LTBP1: variants seen among roughly 807,000 people sequenced by gnomAD.
The protein encoded by LTBP1 is latent-transforming growth factor beta-binding protein 1.
LTBP1 carries 129 observed loss-of-function variants against 207.6 expected under a neutral mutation model. That is an observed-to-expected ratio of 0.62 (90% CI 0.54 to 0.72). The LOEUF is 0.72. LTBP1 is among the 30% of genes least tolerant of loss of function. The pLI is 0.00. For missense variants in LTBP1, 2,281 were observed against 2,217.2 expected (o/e 1.03, Z -0.58); for synonymous variants, 963 against 833.7 (o/e 1.16, Z -2.67).
At chr2:33,010,506 C>A (rs901764226) in intron 2 of LTBP1, among the ~76,000 whole-genome samples, 1 of 151,986 alleles carries the variant, frequency 6.6e-6, no homozygotes, top group African/African-American at 2.4e-5. Context: ...TTCAAAATAG[C>A]TAGGAGAGAG....
At chr2:33,088,165 G>T (rs2078864947) in intron 3 of LTBP1, among the ~76,000 whole-genome samples, 1 of 152,166 alleles carries the variant, frequency 6.6e-6, no homozygotes, top group Non-Finnish European at 1.5e-5. Flanking sequence ...GTTAAATATG[G>T]ACAGTGAGCC....
At chr2:33,340,459 G>C (rs1200350137) in intron 24 of LTBP1, among the ~76,000 whole-genome samples, 1 of 152,136 alleles carries the variant, frequency 6.6e-6, no homozygotes, top group Non-Finnish European at 1.5e-5. Context: ...AAAGGGCAAG[G>C]ACAAGCTCAA....
intron 3 of LTBP1, among the ~76,000 whole-genome samples, chr2:33,104,597 T>G (rs1034948104): frequency 1.3e-5 from 2 of 152,210 alleles, no homozygotes; most frequent in African/African-American, 4.8e-5. Flanking sequence ...TCGATCCTTG[T>G]TTTTCTCCTC....
Position 33,044,127 on chromosome 2 carries a change from A to AT in LTBP1, c.863+22932dup, listed in dbSNP as rs113067278. Among the ~76,000 whole-genome samples, 645 of 148,854 alleles carry AT rather than the reference A, an allele frequency of 4.3e-3. 6 individuals are homozygous for AT. The highest frequency in any genetic ancestry group is 0.014 in the African/African-American group (572 of 40,582). ...AAATAGAGTTGTTAAAGGAAAAAGTATTTTTTTTTTTAATTATACTTTAAG... is the reference window on the plus strand; with the variant it reads ...AAATAGAGTTGTTAAAGGAAAAAGTATTTTTTTTTTTTAATTATACTTTAAG... On this transcript the variant is annotated intron_variant, in intron 3 of 33. Coordinates refer to ENST00000404816, the MANE Select transcript of LTBP1 (RefSeq NM_206943.4).
chr2:33,072,424 CCT>C (rs2077837483), intron 3 of LTBP1, among the ~76,000 whole-genome samples: 1 of 152,276 alleles, frequency 6.6e-6, no homozygotes, highest in South Asian at 2.1e-4. Context: ...AGATTCTCAG[CCT>C]CTCTGTGCAG....
intron 3 of LTBP1, among the ~76,000 whole-genome samples, chr2:33,046,311 T>C (rs1281721315): frequency 6.6e-6 from 1 of 152,072 alleles, no homozygotes; most frequent in East Asian, 1.9e-4. Flanking sequence ...TTATTGAGAG[T>C]TTTTAGCATG....
chr2:33,159,926 G>A (rs1176702331), intron 5 of LTBP1, among the ~76,000 whole-genome samples: 3 of 152,080 alleles, frequency 2.0e-5, no homozygotes, highest in Non-Finnish European at 4.4e-5. Flanking sequence ...CTGTTGCCCA[G>A]GCTGGAGTGC....
At chr2:32,983,552 G>C (rs1442140065) in intron 2 of LTBP1, among the ~76,000 whole-genome samples, 1 of 152,180 alleles carries the variant, frequency 6.6e-6, no homozygotes, top group African/African-American at 2.4e-5. Context: ...CCCCACCCAA[G>C]TCGTATCTTG....
At chr2:33,259,644 T>A (rs2092957433) in intron 13 of LTBP1, 34 bp downstream of exon 13, 3 of 1,589,324 alleles carry the variant, frequency 1.9e-6, no homozygotes. Flanking sequence ...TCTTTTTTTT[T>A]CAACGCTCAA....
chr2:33,310,914 TA>T (rs1215128517), intron 23 of LTBP1, among the ~76,000 whole-genome samples: 2 of 152,222 alleles, frequency 1.3e-5, no homozygotes, highest in African/African-American at 4.8e-5. Context: ...CAATAAATGT[TA>T]TTTTTTTCTT....
At chr2:33,121,159 C>CTTTTTTTTTTTTTTTTTTTTT (rs61065486) in intron 4 of LTBP1, among the ~76,000 whole-genome samples, 2 of 87,536 alleles carry the variant, frequency 2.3e-5, no homozygotes, top group Non-Finnish European at 2.0e-5. Context: ...TTTGTAAAGT[C>CTTTTTTTTTTTTTTTTTTTTT]TTTTTTTTTT....
At chr2:33,077,767 C>T (rs958634657) in intron 3 of LTBP1, among the ~76,000 whole-genome samples, 3 of 152,060 alleles carry the variant, frequency 2.0e-5, no homozygotes, top group African/African-American at 7.2e-5. Context: ...AAACCAAGCC[C>T]AAAACTCTCA....
At chr2:33,214,746 C>T (rs191731741) in intron 7 of LTBP1, among the ~76,000 whole-genome samples, 92 of 152,154 alleles carry the variant, frequency 6.0e-4, no homozygotes, top group African/African-American at 2.1e-3. Context: ...TCAAGGAATG[C>T]GTGTCACGTG....
At chr2:33,146,701 A>G (rs1222690277) in intron 5 of LTBP1, among the ~76,000 whole-genome samples, 1 of 152,188 alleles carries the variant, frequency 6.6e-6, no homozygotes, top group Non-Finnish European at 1.5e-5. Flanking sequence ...GCAAAGGGGA[A>G]GCAGGCACAT....
In LTBP1 at chr2:32,981,754, A is replaced by G. The variant is rs555159420; in HGVS notation, c.565+32809A>G. On this transcript the variant is annotated intron_variant, in intron 2 of 33. Transcript: ENST00000404816. ...GAGTTTTTCCTGTGCTGTTCTCATG[A>G]TAGTGAAAAAGTCTCACAAGATCTG... 3.2e-4 allele frequency among the ~76,000 whole-genome samples: 49 copies of G among 152,286 alleles called. 1 individual carries two copies. In the South Asian group the frequency reaches 0.01, roughly 32 times the overall value.
chr2:32,957,439 T>G (rs150662), intron 2 of LTBP1, among the ~76,000 whole-genome samples: 139,785 of 152,164 alleles, frequency 0.92, 65,227 homozygotes, highest in Non-Finnish European at 0.99. Flanking sequence ...GTGTCTCAGG[T>G]AATAGGGAAG....
At chr2:33,341,727 A>ATATATATATATAT (rs1285574448) in intron 24 of LTBP1, among the ~76,000 whole-genome samples, 3 of 89,608 alleles carry the variant, frequency 3.3e-5, no homozygotes, top group African/African-American at 1.2e-4. Flanking sequence ...AAAAAAAAAA[A>ATATATATATATAT]AAATATATAT....
intron 6 of LTBP1, among the ~76,000 whole-genome samples, chr2:33,187,673 C>G (rs1264647054): frequency 2.0e-5 from 3 of 152,158 alleles, no homozygotes; most frequent in Non-Finnish European, 2.9e-5. Flanking sequence ...TCTTTAAAAC[C>G]TGAGTCCTTG....
At chr2:33,263,930 T>TG in intron 15 of LTBP1, among the ~76,000 whole-genome samples, 1 of 132,598 alleles carries the variant, frequency 7.5e-6, no homozygotes, top group Non-Finnish European at 1.6e-5. Context: ...TCCAGCCTGG[T>TG]GACAGAGCGA....
Sources: gnomAD v4.1 joint callset for allele counts (sites outside exome capture counted in the v4.1 genomes callset) on GRCh38, gnomAD v4.1.1 for gene constraint, MANE v1.5 for transcripts, NCBI Gene and HGNC (gene_info 2026-07-23, HGNC 2026-07-21) for gene names.